The following MIPOL1 variants were observed in gnomAD, a reference collection of about 807,000 sequenced individuals.
MIPOL1 encodes the protein mirror-image polydactyly 1, also known as mirror-image polydactyly gene 1 protein.
Under a neutral mutation model 60.9 loss-of-function variants are expected in MIPOL1, and 57 were observed. The ratio of observed to expected loss-of-function variants is 0.94; its 90% CI spans 0.76 to 1.17. The LOEUF is 1.17. Ranked by LOEUF, MIPOL1 falls within the 50% of genes most tolerant of loss-of-function variation. The probability of loss-of-function intolerance (pLI) is 0.00; values close to 1 mark genes in which losing one functional copy is unlikely to be tolerated. For missense variants in MIPOL1, 551 were observed against 511.6 expected (o/e 1.08, Z -0.74); for synonymous variants, 179 against 168.8 (o/e 1.06, Z -0.47).
At chr14:37,505,484 A>G (rs1333531169) in intron 12 of MIPOL1, 1 of 152,226 alleles carries the variant, frequency 6.6e-6, no homozygotes, top group Non-Finnish European at 1.5e-5. Context: ...CATCACATAA[A>G]AAGAACCAAT....
intron 10 of MIPOL1, among the ~76,000 whole-genome samples, chr14:37,403,417 AAG>A (rs772469984): frequency 1.2e-4 from 17 of 147,826 alleles, no homozygotes; most frequent in Non-Finnish European, 2.2e-4. Context: ...AGAATGTGAT[AAG>A]AGAGGTTTCT....
chr14:37,329,048 A>G (rs948207943), intron 9 of MIPOL1, among the ~76,000 whole-genome samples: 2 of 152,042 alleles, frequency 1.3e-5, no homozygotes, highest in African/African-American at 4.8e-5. Context: ...GGAAAATTAT[A>G]CTTTGTTTTT....
intron 9 of MIPOL1, among the ~76,000 whole-genome samples, chr14:37,357,903 A>G (rs2091955225): frequency 1.3e-5 from 2 of 152,042 alleles, no homozygotes; most frequent in African/African-American, 4.8e-5. Context: ...GGTTTGTTAC[A>G]TAGTTATACA....
chr14:37,338,993 A>C (rs1215147084), intron 9 of MIPOL1, among the ~76,000 whole-genome samples: 1 of 152,248 alleles, frequency 6.6e-6, no homozygotes. Flanking sequence ...ACTTGAACAA[A>C]ATTAAAAGTG....
chr14:37,415,917 T>C (rs2093760720), intron 10 of MIPOL1, among the ~76,000 whole-genome samples: 1 of 152,164 alleles, frequency 6.6e-6, no homozygotes, highest in East Asian at 1.9e-4. Flanking sequence ...TGTCTATGTA[T>C]AACTGTAGTA....
At chr14:37,202,955 A>G (rs1470582892) in intron 1 of MIPOL1, among the ~76,000 whole-genome samples, 1 of 152,148 alleles carries the variant, frequency 6.6e-6, no homozygotes, top group Admixed American at 6.5e-5. Context: ...ATTTATTTCC[A>G]GCAAATCTTA....
chr14:37,453,168 A>T, intron 11 of MIPOL1, among the ~76,000 whole-genome samples: 1 of 152,196 alleles, frequency 6.6e-6, no homozygotes, highest in East Asian at 1.9e-4. Context: ...GAGATTTCTT[A>T]GGCATATGAT....
At chr14:37,408,709 A>G (rs1485850823) in intron 10 of MIPOL1, among the ~76,000 whole-genome samples, 1 of 152,142 alleles carries the variant, frequency 6.6e-6, no homozygotes, top group East Asian at 1.9e-4. Flanking sequence ...AGAATTATAA[A>G]CAGTTTCATC....
At chr14:37,436,515 C>T (rs138345673) in intron 11 of MIPOL1, among the ~76,000 whole-genome samples, 2 of 152,248 alleles carry the variant, frequency 1.3e-5, no homozygotes, top group African/African-American at 4.8e-5. Context: ...GACCTTTGTT[C>T]AGGAACATTC....
At chr14:37,430,842 GTA>G (rs2094051225) in intron 11 of MIPOL1, among the ~76,000 whole-genome samples, 1 of 152,290 alleles carries the variant, frequency 6.6e-6, no homozygotes, top group African/African-American at 2.4e-5. Context: ...AAGTAAATTT[GTA>G]TCTTCTATAG....
intron 9 of MIPOL1, among the ~76,000 whole-genome samples, chr14:37,336,779 G>C (rs2090152685): frequency 6.8e-6 from 1 of 146,038 alleles, no homozygotes; most frequent in Non-Finnish European, 1.5e-5. Flanking sequence ...TTTTTATTTT[G>C]AGACAGAGTT....
intron 3 of MIPOL1, among the ~76,000 whole-genome samples, chr14:37,263,955 C>A (rs1220820115): frequency 6.6e-6 from 1 of 152,194 alleles, no homozygotes; most frequent in Non-Finnish European, 1.5e-5. Context: ...ATATGCAAAA[C>A]AGACCAATAG....
intron 1 of MIPOL1, among the ~76,000 whole-genome samples, chr14:37,223,499 TTTTG>T (rs891571574): frequency 9.2e-5 from 14 of 152,072 alleles, no homozygotes; most frequent in Admixed American, 5.9e-4. Flanking sequence ...CTCCTGGGTT[TTTTG>T]TTTGTTTGTT....
chr14:37,429,033 T>C (rs2094014521), intron 11 of MIPOL1, among the ~76,000 whole-genome samples: 1 of 152,204 alleles, frequency 6.6e-6, no homozygotes, highest in African/African-American at 2.4e-5. Context: ...TACCTCCTGA[T>C]TGCTATAGCA....
At chr14:37,442,377 T>G (rs2094263975) in intron 11 of MIPOL1, among the ~76,000 whole-genome samples, 1 of 152,170 alleles carries the variant, frequency 6.6e-6, no homozygotes, top group African/African-American at 2.4e-5. Context: ...TTCTCTTGCC[T>G]GATTGCTCTG....
intron 3 of MIPOL1, among the ~76,000 whole-genome samples, chr14:37,264,544 C>T (rs1278241612): frequency 6.6e-6 from 1 of 151,804 alleles, no homozygotes; most frequent in African/African-American, 2.4e-5. Context: ...GGGAAAATTG[C>T]TTAAGCCCGG....
Position 37,267,105 on chromosome 14 carries a change from A to G in MIPOL1, c.187A>G (p.Asn63Asp), listed in dbSNP as rs765330847. ...AGAATGGCCAGGGCAGAGATCAACG[A>G]ATTTTCAGATCATCAGTTCTTATCC... Reference protein sequence around the residue: ...NTEWPGQRSTNFQIISSYPDD... With the variant: ...NTEWPGQRSTDFQIISSYPDD... Residue 63 changes from asparagine (N) to aspartate (D), a missense_variant, in exon 4 of 13, where the codon AAT (asparagine) becomes GAT (aspartate). Coordinates refer to ENST00000684589, the MANE Select transcript of MIPOL1 (RefSeq NM_001388067.1). The G allele has an allele frequency of 1.5e-5, 24 of 1,613,972 alleles. No homozygotes were observed. The South Asian group carries it at 2.5e-4, about 17-fold the overall frequency.
At chr14:37,299,386 A>T (rs1250857678) in intron 7 of MIPOL1, among the ~76,000 whole-genome samples, 1 of 152,104 alleles carries the variant, frequency 6.6e-6, no homozygotes, top group South Asian at 2.1e-4. Context: ...ACATGTATAC[A>T]TATGTAACAA....
intron 11 of MIPOL1, among the ~76,000 whole-genome samples, chr14:37,470,396 G>T (rs1178975258): frequency 6.6e-6 from 1 of 152,102 alleles, no homozygotes; most frequent in Non-Finnish European, 1.5e-5. Flanking sequence ...CTGGCGGGAG[G>T]TGATTGGATC....
Sources: allele counts gnomAD v4.1 joint callset (sites outside exome capture counted in the v4.1 genomes callset), GRCh38; gene constraint gnomAD v4.1.1; transcripts MANE v1.5; gene names NCBI Gene and HGNC (gene_info 2026-07-23, HGNC 2026-07-21).